The following SRCIN1 variants were observed in gnomAD, a reference collection of about 807,000 sequenced individuals.
SRCIN1 encodes the protein P130Cas-associated protein.
In SRCIN1, 50 loss-of-function variants were observed where a neutral mutation model predicts 116.2. The observed-to-expected ratio is 0.43, with a 90% CI of 0.34 to 0.54. SRCIN1 has a LOEUF of 0.54. SRCIN1 is among the 20% of genes least tolerant of loss of function. The pLI is 0.02. For missense variants in SRCIN1, 1,446 were observed against 1,672.0 expected (o/e 0.86, Z 2.36); for synonymous variants, 736 against 750.0 (o/e 0.98, Z 0.30).
intron 11 of SRCIN1, among the ~76,000 whole-genome samples, chr17:38,553,796 T>C (rs1054859203): frequency 1.3e-5 from 2 of 152,160 alleles, no homozygotes; most frequent in African/African-American, 4.8e-5. Flanking sequence ...AGTTGAAAAC[T>C]TGGTTCTAGA....
At chr17:38,594,300 G>A (rs532452635) in intron 1 of SRCIN1, among the ~76,000 whole-genome samples, 3 of 152,204 alleles carry the variant, frequency 2.0e-5, no homozygotes, top group East Asian at 1.9e-4. Flanking sequence ...TTAGGAAAAC[G>A]GTAATTTTAA....
chr17:38,548,542 T>C lies in SRCIN1; in HGVS notation c.3270+15A>G. 1 of 1,608,396 alleles carries C rather than the reference T, an allele frequency of 6.2e-7. No homozygotes were observed. Among genetic ancestry groups the C allele is most frequent in the African/African-American group, 1.3e-5 (1 of 74,932 alleles). ...CCTGGCTGAGACCTTGGGGGCCAGG[T>C]GTGCCCTGACCTACCTCTAGCTCTG... On this transcript the variant is annotated intron_variant, in intron 17 of 18. Transcript: ENST00000617146.
chr17:38,574,408 G>T (rs1472163938), intron 2 of SRCIN1, among the ~76,000 whole-genome samples: 1 of 152,164 alleles, frequency 6.6e-6, no homozygotes, highest in African/African-American at 2.4e-5. Context: ...TAGAGACTAA[G>T]CCATGAACTT....
At position 38,562,976 on chromosome 17, in the gene SRCIN1, G is replaced by T. The variant is rs956069979; in HGVS notation, c.741-56C>A. The T allele has an allele frequency of 7.0e-7, 1 of 1,426,036 alleles. No individual in the cohort carries two copies. The highest frequency in any genetic ancestry group is 2.3e-5 in the East Asian group (1 of 42,922). The allele number at this position is 1,426,036 out of a possible 1,614,324, so 88.3% of individuals were successfully genotyped here. A position where few individuals can be genotyped will look rare whatever the true frequency, so the allele number is the denominator to read the frequency against. The stretch of plus-strand genomic sequence containing the variant: ...CCCATCCCCCAGCTGTGCACAATGA[G>T]AAGGGATGGCTACTCCAGGCCTAGA... On this transcript the variant is annotated intron_variant, in intron 5 of 18. Transcript: ENST00000617146. This position sits in a 1 kb window ranked among gnomAD's most constrained non-coding sequence, Gnocchi z 4.2.
intron 1 of SRCIN1, among the ~76,000 whole-genome samples, chr17:38,591,060 C>T (rs1343752780): frequency 6.6e-6 from 1 of 152,144 alleles, no homozygotes; most frequent in Non-Finnish European, 1.5e-5. Context: ...GAAAGACCTT[C>T]TAGGGGATCC....
At chr17:38,549,914 C>G (rs902413999) in intron 15 of SRCIN1, among the ~76,000 whole-genome samples, 14 of 152,202 alleles carry the variant, frequency 9.2e-5, no homozygotes, top group Admixed American at 2.0e-4. Context: ...CACGCTGTTC[C>G]CTCACCCTGG....
Position 38,578,648 on chromosome 17 carries a change from G to C in SRCIN1, c.166C>G (p.Arg56Gly), listed in dbSNP as rs1386072101. 6.3e-7 allele frequency: 1 copy of C among 1,591,190 alleles called. No homozygotes were observed. The highest frequency in any genetic ancestry group is 1.3e-5 in the African/African-American group (1 of 74,556). The change falls in exon 2 of 19, where the codon CGG becomes GGG. Residue 56 changes from arginine (R) to glycine (G), a missense_variant. By Grantham distance (125) the Arg-to-Gly change is moderately radical. Around this residue, in one of 5 missense-constraint regions of SRCIN1, gnomAD observed 246 missense variants for 265.1 expected, o/e 0.93. Coordinates refer to ENST00000617146, the MANE Select transcript of SRCIN1 (RefSeq NM_025248.3). ...NVGLVHTSER[R>G]HTVIAAQSLE... ...CTCTGGGCCGCGATCACCGTGTGCCGCCGCTCGGACGTGTGCACCAGCCCC... is the reference window on the plus strand; with the variant it reads ...CTCTGGGCCGCGATCACCGTGTGCCCCCGCTCGGACGTGTGCACCAGCCCC...
At chr17:38,542,920 G>A in intron 18 of SRCIN1, 1 of 383,400 alleles carries the variant, frequency 2.6e-6, no homozygotes, top group Admixed American at 3.0e-5. Context: ...GAGAGCATCT[G>A]GACATATCAC....
At chr17:38,551,719 G>A (rs1381009778) in intron 14 of SRCIN1, 167 bp downstream of exon 14, 5 of 1,059,194 alleles carry the variant, frequency 4.7e-6, no homozygotes, top group Non-Finnish European at 6.9e-6. Context: ...CTGTCTAGGA[G>A]GGCTAATGTC....
At position 38,531,676 on chromosome 17, in the gene SRCIN1, A is replaced by G. The variant is rs1262315545; in HGVS notation, c.*1621T>C. Reference sequence around the variant, plus strand: ...AAAAATGATCCAAAGCTAGAAAACAAGGATGAACCAACAAAGGCAAAAACA... The same window carrying G: ...AAAAATGATCCAAAGCTAGAAAACAGGGATGAACCAACAAAGGCAAAAACA... On this transcript the variant is annotated 3_prime_UTR_variant, in exon 19 of 19. Coordinates refer to ENST00000617146, the MANE Select transcript of SRCIN1 (RefSeq NM_025248.3). The G allele has an allele frequency of 1.3e-5, 2 of 151,620 alleles. No homozygotes were observed. Among genetic ancestry groups the G allele is most frequent in the Non-Finnish European group, 2.9e-5 (2 of 67,934 alleles). 9.4% of individuals were successfully genotyped at this position (151,620 alleles called of 1,614,324 possible). A position where few individuals can be genotyped will look rare whatever the true frequency, so the allele number is the denominator to read the frequency against.
intron 18 of SRCIN1, among the ~76,000 whole-genome samples, chr17:38,535,131 TTTTGTTTG>T (rs3045804): frequency 6.6e-6 from 1 of 150,738 alleles, no homozygotes; most frequent in Non-Finnish European, 1.5e-5. Context: ...GGCCCTGTTT[TTTTGTTTG>T]TTTGTTTGTT....
intron 3 of SRCIN1, among the ~76,000 whole-genome samples, chr17:38,567,683 C>G (rs1397396479): frequency 6.6e-6 from 1 of 152,104 alleles, no homozygotes; most frequent in East Asian, 1.9e-4. Flanking sequence ...CAAGAAGGCA[C>G]CTATCCCTCA....
At position 38,563,679 on chromosome 17, in the gene SRCIN1, G is replaced by C. The variant is rs1906454874; in HGVS notation, c.542-158C>G. 9.6e-7 allele frequency: 1 copy of C among 1,046,198 alleles called. No individual in the cohort carries two copies. The highest frequency in any genetic ancestry group is 1.4e-5 in the South Asian group (1 of 73,624). 64.8% of individuals were successfully genotyped at this position (1,046,198 alleles called of 1,614,324 possible). Reference sequence around the variant, plus strand: ...GCAGATGCACCCAGGCACCTCTCATGCTGCCGGCGGGGGCGCCAGGCCGGC... The same window carrying C: ...GCAGATGCACCCAGGCACCTCTCATCCTGCCGGCGGGGGCGCCAGGCCGGC... On this transcript the variant is annotated intron_variant, in intron 4 of 18. Coordinates refer to ENST00000617146, the MANE Select transcript of SRCIN1 (RefSeq NM_025248.3). This position sits in a 1 kb window ranked among gnomAD's most constrained non-coding sequence, Gnocchi z 5.8.
At position 38,551,986 on chromosome 17, in the gene SRCIN1, C is replaced by T; in HGVS notation, c.2627G>A (p.Gly876Glu). The change falls in exon 14 of 19, where the codon GGG (glycine) becomes GAG (glutamate). Residue 876 changes from glycine to glutamate, a missense_variant. Gly to Glu is a moderately conservative substitution (Grantham distance 98, BLOSUM62 -2). Coordinates refer to ENST00000617146, the MANE Select transcript of SRCIN1 (RefSeq NM_025248.3). ...SPPLNLHELS[G>E]PAEGASLTPK... ...GGTAAGAGAGGCTCCTTCAGCTGGCCCGCTCAGCTCATGCAGGTTCAGCGG... is the reference window on the plus strand; with the variant it reads ...GGTAAGAGAGGCTCCTTCAGCTGGCTCGCTCAGCTCATGCAGGTTCAGCGG... The T allele has an allele frequency of 1.9e-6, 3 of 1,614,030 alleles. No individual in the cohort carries two copies. The highest frequency in any genetic ancestry group is 2.5e-6 in the Non-Finnish European group (3 of 1,179,908).
At chr17:38,566,240 G>C (rs973310261) in intron 3 of SRCIN1, among the ~76,000 whole-genome samples, 1 of 152,112 alleles carries the variant, frequency 6.6e-6, no homozygotes, top group Non-Finnish European at 1.5e-5. Context: ...GGGATCCTGG[G>C]GGTTGCTGCC....
intron 1 of SRCIN1, among the ~76,000 whole-genome samples, chr17:38,583,548 G>GTTTTTTGTTT (rs1907935604): frequency 4.8e-5 from 5 of 104,272 alleles, no homozygotes; most frequent in Non-Finnish European, 7.9e-5. Flanking sequence ...TTCATTTTCT[G>GTTTTTTGTTT]TTTTTTTTTT....
chr17:38,543,668 CA>C lies in SRCIN1; in HGVS notation c.3417+154del, dbSNP rs1327676368. Reference sequence around the variant, plus strand: ...CGGGAGGAGGAGGGAGAAGACGGTTCAGGGGGTGGGTGGGGCAGTCCTGGCA... The same window carrying C: ...CGGGAGGAGGAGGGAGAAGACGGTTCGGGGGTGGGTGGGGCAGTCCTGGCA... On this transcript the variant is annotated intron_variant, in intron 18 of 18. Coordinates refer to ENST00000617146, the MANE Select transcript of SRCIN1 (RefSeq NM_025248.3). Among the ~76,000 whole-genome samples, 10 of 151,204 alleles carry C rather than the reference CA, an allele frequency of 6.6e-5. No homozygotes were observed. In the East Asian group the frequency reaches 2.0e-3, roughly 30 times the overall value.
chr17:38,536,652 C>T lies in SRCIN1; in HGVS notation c.3418-3221G>A, dbSNP rs543057856. Among the ~76,000 whole-genome samples the T allele has an allele frequency of 1.5e-3, 234 of 152,350 alleles. 1 individual carries two copies. The highest frequency in any genetic ancestry group is 5.4e-3 in the African/African-American group (226 of 41,594). ...CCACCTCCAGGGCCATTCCCAGGGC[C>T]ACCCTCCCTAGCCCCCATGCCCTCC... is the stretch of plus-strand genomic sequence containing the variant. On this transcript the variant is annotated intron_variant, in intron 18 of 18. Transcript: ENST00000617146.
In SRCIN1 at chr17:38,544,987, A is replaced by G. The variant is rs1012939465; in HGVS notation, c.3271-1018T>C. 1 of 152,684 alleles carries G rather than the reference A, an allele frequency of 6.5e-6. No individual in the cohort carries two copies. The highest frequency in any genetic ancestry group is 1.5e-5 in the Non-Finnish European group (1 of 68,100). The allele number at this position is 152,684 out of a possible 1,614,324, so 9.5% of individuals were successfully genotyped here. On this transcript the variant is annotated intron_variant, in intron 17 of 18. Coordinates refer to ENST00000617146, the MANE Select transcript of SRCIN1 (RefSeq NM_025248.3). The surrounding 1 kb of genome is among the most constrained non-coding windows in gnomAD (Gnocchi z 4.5). The stretch of plus-strand genomic sequence containing the variant: ...CCGGAGCGTCTCCTCCAAGCTGTCC[A>G]TCTGCTGGGCAGTGGCGCCCCACGT...
Sources: allele counts gnomAD v4.1 joint callset (sites outside exome capture counted in the v4.1 genomes callset), GRCh38; gene constraint gnomAD v4.1.1; regional missense constraint gnomAD v4.1.1; non-coding constraint Gnocchi (gnomAD v3.1); transcripts MANE v1.5; gene names NCBI Gene and HGNC (gene_info 2026-07-23, HGNC 2026-07-21).